BEST1: variants seen among roughly 807,000 people sequenced by gnomAD.
BEST1 encodes bestrophin 1, also known as bestrophin-1.
A neutral mutation model predicts 63.3 loss-of-function variants in BEST1; 58 were observed. The observed-to-expected ratio is 0.92, with a 90% CI of 0.74 to 1.14. The LOEUF (loss-of-function observed/expected upper bound fraction) is 1.14. Ranked by LOEUF, BEST1 falls within the 50% of genes most tolerant of loss-of-function variation. BEST1 has a pLI of 0.00. For synonymous variants in BEST1, 283 were observed against 291.6 expected (o/e 0.97, Z 0.30); for missense variants, 671 against 740.1 (o/e 0.91, Z 1.08).
intron 9 of BEST1, chr11:61,960,593 A>T: frequency 6.3e-6 from 1 of 159,654 alleles, no homozygotes; most frequent in Non-Finnish European, 1.4e-5. Flanking sequence ...CTGGTCTCCA[A>T]CTCCTGACCA....
intron 7 of BEST1, chr11:61,959,044 C>T (rs1046816231): frequency 2.9e-5 from 8 of 277,508 alleles, no homozygotes; most frequent in Non-Finnish European, 5.7e-5. Flanking sequence ...TGCAAGATGT[C>T]CCCTGGACCC....
chr11:61,963,446 CAA>C, intron 10 of BEST1: 1 of 1,143,290 alleles, frequency 8.7e-7, no homozygotes, highest in Non-Finnish European at 1.1e-6. Context: ...GGAACCTCAC[CAA>C]AATACTTCTT....
At chr11:61,965,320 G>T (rs375217149), downstream of BEST1, 446 of 1,610,584 alleles carry the variant, frequency 2.8e-4, 2 homozygotes, top group Middle Eastern at 2.0e-3. Flanking sequence ...TCTGATACCC[G>T]AACACTGCCA....
chr11:61,952,918 A>G (rs1940865373), intron 2 of BEST1, among the ~76,000 whole-genome samples: 1 of 152,032 alleles, frequency 6.6e-6, no homozygotes, highest in Admixed American at 6.6e-5. Context: ...CGTGGGCAAC[A>G]TAGTGAGACC....
At position 61,952,884 on chromosome 11, in the gene BEST1, G is replaced by T. The variant is rs1159272472; in HGVS notation, c.152+926G>T. On this transcript the variant is annotated intron_variant, in intron 2 of 10. Coordinates refer to ENST00000378043, the MANE Select transcript of BEST1 (RefSeq NM_004183.4). ...GCACTTTGAGGGGCCAAGGTGCGGG[G>T]ATCACTTGAGCCTGGGAGTTCAGCG... 5.3e-5 allele frequency among the ~76,000 whole-genome samples: 8 copies of T among 152,170 alleles called. No homozygotes were observed. The East Asian group carries it at 1.6e-3, about 30-fold the overall frequency.
chr11:61,962,639 A>G lies in BEST1; in HGVS notation c.1485A>G (p.Ile495Met). ...CAAAGCTTCACAGTGTCACAGGCAT[A>G]GACACCAAAGACAAAAGCTTAAAGA... ...APSKLHSVTG[I>M]DTKDKSLKTV... Residue 495 changes from isoleucine to methionine, a missense_variant, in exon 10 of 11, where the codon ATA becomes ATG. Ile to Met is a conservative substitution (Grantham distance 10, BLOSUM62 1). Transcript: ENST00000378043. 1 of 1,614,244 alleles carries G rather than the reference A, an allele frequency of 6.2e-7. No homozygotes were observed. Among genetic ancestry groups the G allele is most frequent in the South Asian group, 1.1e-5 (1 of 91,086 alleles).
In BEST1 at chr11:61,962,608, C is replaced by T. The variant is rs867577834; in HGVS notation, c.1454C>T (p.Ala485Val). The change falls in exon 10 of 11, where the codon GCG (alanine) becomes GTG (valine). Residue 485 changes from alanine to valine, a missense_variant. Physicochemically the swap from Ala to Val is moderately conservative, Grantham distance 64. Transcript: ENST00000378043. ...ATGTTCTTCCCCCTAGAACCATCAG[C>T]GCCGTCAAAGCTTCACAGTGTCACA... ...TPMFFPLEPS[A>V]PSKLHSVTGI... 6 of 1,614,066 alleles carry T rather than the reference C, an allele frequency of 3.7e-6. No homozygotes were observed. The African/African-American group carries it at 4.0e-5, about 11-fold the overall frequency.
At chr11:61,956,707 G>A in intron 4 of BEST1, 137 bp from the exon 5 acceptor site, 3 of 972,098 alleles carry the variant, frequency 3.1e-6, no homozygotes, top group Admixed American at 1.7e-5. Context: ...ACAGCACCTA[G>A]TAGGTGCTCA....
intron 2 of BEST1, chr11:61,954,756 C>T: frequency 2.0e-6 from 2 of 977,900 alleles, no homozygotes; most frequent in South Asian, 9.5e-5. Context: ...GTCCCAAACA[C>T]TCTGTTTCGA....
Position 61,959,987 on chromosome 11 carries a change from AGCTGCTTCC to A in BEST1, c.1047_1055del (p.Ala350_Ala352del), listed in dbSNP as rs1289479400. On this transcript the variant is annotated inframe_deletion, in exon 9 of 11. Coordinates refer to ENST00000378043, the MANE Select transcript of BEST1 (RefSeq NM_004183.4). ...AGCCCGAGCCACAGCCCCCCTACAC[AGCTGCTTCC>A]GCCCAGTTCCGTCGAGCCTCCTTTA... 2 of 1,612,476 alleles carry A rather than the reference AGCTGCTTCC, an allele frequency of 1.2e-6. No individual in the cohort carries two copies.
At chr11:61,951,500 C>T (rs770592833) in intron 1 of BEST1, among the ~76,000 whole-genome samples, 7 of 152,176 alleles carry the variant, frequency 4.6e-5, no homozygotes, top group African/African-American at 1.2e-4. Flanking sequence ...TGAGCCACTG[C>T]GCCCAGTGAT....
At chr11:61,953,617 G>A (rs934331643) in intron 2 of BEST1, among the ~76,000 whole-genome samples, 14 of 152,190 alleles carry the variant, frequency 9.2e-5, no homozygotes, top group Non-Finnish European at 1.5e-4. Flanking sequence ...GGATGAGGCC[G>A]GAGAATCGCT....
intron 9 of BEST1, chr11:61,962,000 G>GGGGTGGTTGCGGGGGTT: frequency 1.8e-6 from 1 of 549,402 alleles, no homozygotes; most frequent in Admixed American, 3.1e-5. Context: ...CACGCCAGGC[G>GGGGTGGTTGCGGGGGTT]GGGTGGTTGC....
rs886048426 is a variant in BEST1, at chr11:61,955,821, G to A, written c.351G>A (p.Lys117=). 7 of 1,550,606 alleles carry A rather than the reference G, an allele frequency of 4.5e-6. No individual in the cohort carries two copies. Among genetic ancestry groups the A allele is most frequent in the Non-Finnish European group, 6.1e-6 (7 of 1,146,928 alleles). ...TGGTGTCGGGCTTCGTCGAAGGCAA[G>A]GACGAGCAAGGCCGGCTGCTGCGGC... is the stretch of plus-strand genomic sequence containing the variant. The part of the protein sequence containing the change: ...MSLVSGFVEG[K]DEQGRLLRRT... Residue 117 remains lysine, a synonymous_variant, in exon 4 of 11, where the codon AAG becomes AAA. Coordinates refer to ENST00000378043, the MANE Select transcript of BEST1 (RefSeq NM_004183.4).
chr11:61,953,950 T>A (rs988364953), intron 2 of BEST1, among the ~76,000 whole-genome samples: 2 of 151,902 alleles, frequency 1.3e-5, no homozygotes, highest in Admixed American at 1.3e-4. Flanking sequence ...ATCTAAACAA[T>A]AAAATAAAGG....
At chr11:61,958,767 A>C in intron 7 of BEST1, 1 of 335,386 alleles carries the variant, frequency 3.0e-6, no homozygotes, top group Non-Finnish European at 5.8e-6. Flanking sequence ...CCACCTCTTT[A>C]TCTTTCCTTC....
intron 7 of BEST1, chr11:61,959,081 G>C (rs1021516383): frequency 3.4e-6 from 1 of 293,870 alleles, no homozygotes; most frequent in Non-Finnish European, 6.7e-6. Context: ...TCACCTCTTC[G>C]GGGCTTTGTT....
intron 9 of BEST1, 89 bp from the exon 10 acceptor site, chr11:61,962,164 TGA>T (rs1942131497): frequency 2.8e-6 from 4 of 1,444,774 alleles, no homozygotes; most frequent in Middle Eastern, 4.8e-4. Context: ...TTGGGCCAAC[TGA>T]GAGAGAGGAG....
chr11:61,959,000 T>C, intron 7 of BEST1: 1 of 254,760 alleles, frequency 3.9e-6, no homozygotes, highest in Non-Finnish European at 7.8e-6. Context: ...ATCACACTTT[T>C]ATGCTTGAAA....
Sources: gnomAD v4.1 joint callset for allele counts (sites outside exome capture counted in the v4.1 genomes callset) on GRCh38, gnomAD v4.1.1 for gene constraint, MANE v1.5 for transcripts, NCBI Gene and HGNC (gene_info 2026-07-23, HGNC 2026-07-21) for gene names.